TBC1D9B: variants seen among roughly 807,000 people sequenced by gnomAD.
TBC1D9B encodes the protein TBC1 domain family member 9B.
In TBC1D9B, 87 loss-of-function variants were observed where a neutral mutation model predicts 121.1. That is an observed-to-expected ratio of 0.72 (90% confidence interval 0.60 to 0.86). TBC1D9B has a LOEUF of 0.86. Among genes scored for constraint, TBC1D9B ranks in the 40% least tolerant of loss-of-function variants. The probability of loss-of-function intolerance (pLI) is 0.00; values close to 1 mark genes in which losing one functional copy is unlikely to be tolerated. For missense variants in TBC1D9B, 1,540 were observed against 1,628.6 expected (o/e 0.95, Z 0.94); for synonymous variants, 668 against 670.1 (o/e 1.00, Z 0.05).
intron 4 of TBC1D9B, among the ~76,000 whole-genome samples, chr5:179,894,098 T>C (rs17079774): frequency 0.1 from 15,379 of 152,164 alleles, 2,566 homozygotes; most frequent in African/African-American, 0.35. Flanking sequence ...ACCAGGAATT[T>C]GGGACAGACG....
At chr5:179,872,707 T>C in intron 14 of TBC1D9B, 185 bp downstream of exon 14, 1 of 606,938 alleles carries the variant, frequency 1.6e-6, no homozygotes. Flanking sequence ...GAAAAGTGAC[T>C]GGAACCTCTC....
In TBC1D9B at chr5:179,875,506, G is replaced by A. The variant is rs766537647; in HGVS notation, c.1901-319C>T. On this transcript the variant is annotated intron_variant, in intron 11 of 20. Coordinates refer to ENST00000355235, the MANE Select transcript of TBC1D9B (RefSeq NM_015043.4). The surrounding 1 kb of genome is among the most constrained non-coding windows in gnomAD (Gnocchi z 4.5). ...CCCATCCTGATGATTGTGAATAGAC[G>A]CAGCTCTGAAGGACCCCAAGAGCGG... is the stretch of plus-strand genomic sequence containing the variant. Among the ~76,000 whole-genome samples the A allele has an allele frequency of 6.6e-6, 1 of 152,158 alleles. No individual in the cohort carries two copies. Among genetic ancestry groups the A allele is most frequent in the Non-Finnish European group, 1.5e-5 (1 of 68,032 alleles).
intron 10 of TBC1D9B, 59 bp downstream of exon 10, chr5:179,878,250 C>T: frequency 1.9e-6 from 3 of 1,540,812 alleles, no homozygotes; most frequent in Non-Finnish European, 2.6e-6. Context: ...CCACAGGGAC[C>T]TGCTCCTGTG....
rs548730275 is a variant in TBC1D9B, at chr5:179,904,382, C to G, written c.229+320G>C. On this transcript the variant is annotated intron_variant, in intron 2 of 20. Coordinates refer to ENST00000355235, the MANE Select transcript of TBC1D9B (RefSeq NM_015043.4). This position sits in a 1 kb window ranked among gnomAD's most constrained non-coding sequence, Gnocchi z 4.2. ...TGGGACTACAGGCCTCCGCCACCAC[C>G]CCCAGCTAATTTTTTGTGTTTTTTA... 7.7e-3 allele frequency among the ~76,000 whole-genome samples: 1,164 copies of G among 151,966 alleles called. 11 individuals are homozygous for G. Among genetic ancestry groups the G allele is most frequent in the African/African-American group, 0.027 (1,109 of 41,338 alleles).
intron 3 of TBC1D9B, among the ~76,000 whole-genome samples, chr5:179,897,064 G>A (rs2113644316): frequency 6.6e-6 from 1 of 151,900 alleles, no homozygotes; most frequent in South Asian, 2.1e-4. Flanking sequence ...CCGCCACCAT[G>A]CCCGGCTAAT....
Position 179,902,054 on chromosome 5 carries a change from G to T in TBC1D9B, c.229+2648C>A, listed in dbSNP as rs1441887350. On this transcript the variant is annotated intron_variant, in intron 2 of 20. Coordinates refer to ENST00000355235, the MANE Select transcript of TBC1D9B (RefSeq NM_015043.4). The surrounding 1 kb of genome is among the most constrained non-coding windows in gnomAD (Gnocchi z 4.9). ...AAGTTACCCAAGGTCACACAGCTGG[G>T]AAGTGATCAAATCAGAATCCTAACC... Among the ~76,000 whole-genome samples, 5 of 152,210 alleles carry T rather than the reference G, an allele frequency of 3.3e-5. No homozygotes were observed.
rs60471704 is a variant in TBC1D9B at position 179,898,152 on chromosome 5, C to CTTT, written c.348+1034_348+1036dup. Among the ~76,000 whole-genome samples, 21 of 138,228 alleles carry CTTT rather than the reference C, an allele frequency of 1.5e-4. 2 individuals carry two copies. The highest frequency in any genetic ancestry group is 3.2e-4 in the African/African-American group (12 of 37,194). 90.7% of individuals were successfully genotyped at this position (138,228 alleles called of 152,430 possible). A position where few individuals can be genotyped will look rare whatever the true frequency, so the allele number is the denominator to read the frequency against. On this transcript the variant is annotated intron_variant, in intron 3 of 20. Coordinates refer to ENST00000355235, the MANE Select transcript of TBC1D9B (RefSeq NM_015043.4). The stretch of plus-strand genomic sequence containing the variant: ...CCAACATGGCAAAACCCCATCTCTA[C>CTTT]TTTTTTTTTTTTTTTTTGAGACGAA...
In TBC1D9B at chr5:179,874,836, AGT is replaced by A. The variant is rs770434397; in HGVS notation, c.2186+64_2186+65del. On this transcript the variant is annotated intron_variant, in intron 12 of 20. Transcript: ENST00000355235. This position sits in a 1 kb window ranked among gnomAD's most constrained non-coding sequence, Gnocchi z 4.3. ...CACAGTCACTTCAGGCTGACTGGAC[AGT>A]GCCCGGGGCTGGTGAGGGGTTCTGC... 1,380 of 1,567,352 alleles carry A rather than the reference AGT, an allele frequency of 8.8e-4. 2 individuals carry two copies. Among genetic ancestry groups the A allele is most frequent in the Non-Finnish European group, 1.0e-3 (1,200 of 1,159,156 alleles).
intron 10 of TBC1D9B, among the ~76,000 whole-genome samples, chr5:179,877,014 T>C (rs1760376941): frequency 7.3e-6 from 1 of 136,776 alleles, no homozygotes; most frequent in Non-Finnish European, 1.5e-5. Flanking sequence ...GAGGCTGCAG[T>C]GAGCCATGAT....
In TBC1D9B at chr5:179,874,687, C is replaced by G. The variant is rs1043551565; in HGVS notation, c.2186+215G>C. 6.6e-6 allele frequency among the ~76,000 whole-genome samples: 1 copy of G among 152,210 alleles called. No individual in the cohort carries two copies. The highest frequency in any genetic ancestry group is 1.5e-5 in the Non-Finnish European group (1 of 68,040). ...GGCCCTCCAGCCAGCATGCTCTGCC[C>G]GCAGTGCCTGCTTTACTCCTCCTGG... On this transcript the variant is annotated intron_variant, in intron 12 of 20. Transcript: ENST00000355235. The surrounding 1 kb of genome is among the most constrained non-coding windows in gnomAD (Gnocchi z 4.3).
rs765624717 is a variant in TBC1D9B at position 179,893,383 on chromosome 5, G to A, written c.662C>T (p.Thr221Ile). The change falls in exon 5 of 21, where the codon ACC (threonine) becomes ATC (isoleucine). Residue 221 changes from threonine to isoleucine, a missense_variant. Physicochemically the swap from Thr to Ile is moderately conservative, Grantham distance 89. Coordinates refer to ENST00000355235, the MANE Select transcript of TBC1D9B (RefSeq NM_015043.4). The part of the protein sequence containing the change: ...LLFPESIRVD[T>I]RDQELFFSMF... ...GGAGAAGAAGAGCTCCTGGTCGCGG[G>A]TGTCCACACGGATGCTCTCGGGGAA... 2.5e-6 allele frequency: 4 copies of A among 1,614,040 alleles called. No homozygotes were observed. In the East Asian group the frequency reaches 8.9e-5, roughly 36 times the overall value.
rs879176848 is a variant in TBC1D9B, at chr5:179,874,511, G to C, written c.2186+391C>G. 1.8e-4 allele frequency among the ~76,000 whole-genome samples: 28 copies of C among 152,306 alleles called. No homozygotes were observed. The highest frequency in any genetic ancestry group is 6.5e-4 in the Admixed American group (10 of 15,302). ...GGCCTGCTCCCTCCAGGGCATGGGG[G>C]CTGCAATGCAGCTGAGCTTGGAGAG... On this transcript the variant is annotated intron_variant, in intron 12 of 20. Transcript: ENST00000355235. The surrounding 1 kb of genome is among the most constrained non-coding windows in gnomAD (Gnocchi z 4.3).
Position 179,891,710 on chromosome 5 carries a change from C to T in TBC1D9B, c.837-124G>A. ...TCAGATTCAGGATCCCTGGGGTGGT[C>T]CCTTGAGCAAGTCATGCTCAGGGAC... On this transcript the variant is annotated intron_variant, in intron 5 of 20. Transcript: ENST00000355235. This position sits in a 1 kb window ranked among gnomAD's most constrained non-coding sequence, Gnocchi z 4.3. 9.3e-7 allele frequency: 1 copy of T among 1,073,652 alleles called. No individual in the cohort carries two copies. The highest frequency in any genetic ancestry group is 3.1e-4 in the Middle Eastern group (1 of 3,236). 66.5% of individuals were successfully genotyped at this position (1,073,652 alleles called of 1,614,324 possible). A position where few individuals can be genotyped will look rare whatever the true frequency, so the allele number is the denominator to read the frequency against.
intron 2 of TBC1D9B, among the ~76,000 whole-genome samples, chr5:179,901,529 A>G (rs1230723232): frequency 1.3e-5 from 2 of 152,214 alleles, no homozygotes; most frequent in Non-Finnish European, 2.9e-5. Context: ...TCAGTCCTAT[A>G]ATCCCAGCAC....
At position 179,907,724 on chromosome 5, in the gene TBC1D9B, C is replaced by T. The variant is rs1198545370; in HGVS notation, c.98G>A (p.Gly33Asp). The change falls in exon 1 of 21, where the codon GGC (glycine) becomes GAC (aspartate). Residue 33 changes from glycine to aspartate, a missense_variant. Coordinates refer to ENST00000355235, the MANE Select transcript of TBC1D9B (RefSeq NM_015043.4). This position sits in a 1 kb window ranked among gnomAD's most constrained non-coding sequence, Gnocchi z 5.3. ...CTCACCCGTAAGGCCGCCGCCCCTGCCGTGGCCCCGGCGTCGCTGCAGCAC... is the reference window on the plus strand; with the variant it reads ...CTCACCCGTAAGGCCGCCGCCCCTGTCGTGGCCCCGGCGTCGCTGCAGCAC... ...FFVLQRRRGH[G>D]RGGGLTGLLV... The T allele has an allele frequency of 1.7e-6, 2 of 1,183,538 alleles. No homozygotes were observed. Among genetic ancestry groups the T allele is most frequent in the South Asian group, 1.5e-5 (1 of 64,780 alleles). 73.3% of individuals were successfully genotyped at this position (1,183,538 alleles called of 1,614,324 possible). A position where few individuals can be genotyped will look rare whatever the true frequency, so the allele number is the denominator to read the frequency against.
intron 2 of TBC1D9B, among the ~76,000 whole-genome samples, chr5:179,903,253 G>C (rs1396191941): frequency 1.3e-5 from 2 of 152,204 alleles, no homozygotes; most frequent in Non-Finnish European, 2.9e-5. Context: ...ACATAGAGAA[G>C]ACCAAAGTAC....
chr5:179,869,873 G>A (rs762825708), intron 16 of TBC1D9B, 39 bp from the exon 17 acceptor site: 1 of 1,520,066 alleles, frequency 6.6e-7, no homozygotes, highest in Non-Finnish European at 8.8e-7. Context: ...CTGGCAACAT[G>A]GCTGCAGAGC....
chr5:179,903,740 A>G (rs1454054817), intron 2 of TBC1D9B, among the ~76,000 whole-genome samples: 1 of 152,156 alleles, frequency 6.6e-6, no homozygotes, highest in African/African-American at 2.4e-5. Context: ...GGCACAACTC[A>G]GCCTTCTTGC....
chr5:179,878,878 G>C (rs958901935), intron 9 of TBC1D9B, among the ~76,000 whole-genome samples, 169 bp downstream of exon 9: 2 of 150,888 alleles, frequency 1.3e-5, no homozygotes, highest in African/African-American at 5.0e-5. Context: ...CTTCTGGTTG[G>C]GTCCCGGGCC....
Sources: allele counts gnomAD v4.1 joint callset (sites outside exome capture counted in the v4.1 genomes callset), GRCh38; gene constraint gnomAD v4.1.1; non-coding constraint Gnocchi (gnomAD v3.1); transcripts MANE v1.5; gene names NCBI Gene and HGNC (gene_info 2026-07-23, HGNC 2026-07-21).